Variants in KCTD8 observed in about 807,000 individuals in gnomAD.
KCTD8 encodes the protein BTB/POZ domain-containing protein KCTD8.
Under a neutral mutation model 31.5 loss-of-function variants are expected in KCTD8, and 27 were observed. The ratio of observed to expected loss-of-function variants is 0.86; its 90% confidence interval spans 0.63 to 1.18. KCTD8 has a LOEUF of 1.18. KCTD8 is among the 50% of genes most tolerant of loss of function. The probability of loss-of-function intolerance (pLI) is 0.00; values close to 1 mark genes in which losing one functional copy is unlikely to be tolerated. For synonymous variants in KCTD8, 290 were observed against 280.0 expected (o/e 1.04, Z -0.36); for missense variants, 658 against 647.7 (o/e 1.02, Z -0.17).
At chr4:44,291,789 A>G (rs1055085098) in intron 1 of KCTD8, among the ~76,000 whole-genome samples, 2 of 152,042 alleles carry the variant, frequency 1.3e-5, no homozygotes, top group Non-Finnish European at 1.5e-5. Flanking sequence ...CAAAAAAAGA[A>G]ATAATTTCAT....
At chr4:44,374,165 C>A (rs544607351) in intron 1 of KCTD8, among the ~76,000 whole-genome samples, 1 of 152,250 alleles carries the variant, frequency 6.6e-6, no homozygotes, top group South Asian at 2.1e-4. Flanking sequence ...TTACTATACC[C>A]TAACAGGTAG....
chr4:44,370,120 A>G (rs1433463466), intron 1 of KCTD8, among the ~76,000 whole-genome samples: 9 of 152,284 alleles, frequency 5.9e-5, no homozygotes, highest in African/African-American at 2.2e-4. Flanking sequence ...ACACAAGGAA[A>G]TATTCTTTTT....
chr4:44,256,195 A>C (rs373236179), intron 1 of KCTD8, among the ~76,000 whole-genome samples: 1 of 151,920 alleles, frequency 6.6e-6, no homozygotes, highest in African/African-American at 2.4e-5. Context: ...ACGACGTGAG[A>C]ATTATGAGAG....
intron 1 of KCTD8, among the ~76,000 whole-genome samples, chr4:44,204,824 T>C (rs1034336199): frequency 1.3e-5 from 2 of 151,978 alleles, no homozygotes; most frequent in African/African-American, 4.8e-5. Context: ...AGGGAACAAA[T>C]AAAATATTAT....
chr4:44,234,720 TA>T (rs1376230234), intron 1 of KCTD8, among the ~76,000 whole-genome samples: 3 of 152,186 alleles, frequency 2.0e-5, no homozygotes, highest in Non-Finnish European at 4.4e-5. Flanking sequence ...GAGGCCTCTA[TA>T]AGCCAGGCCC....
At chr4:44,436,705 T>C (rs1212868014) in intron 1 of KCTD8, among the ~76,000 whole-genome samples, 1 of 152,112 alleles carries the variant, frequency 6.6e-6, no homozygotes, top group Non-Finnish European at 1.5e-5. Flanking sequence ...GCTTTGGTTA[T>C]TGTTGAAATT....
intron 1 of KCTD8, among the ~76,000 whole-genome samples, chr4:44,323,353 G>A (rs555453607): frequency 6.6e-5 from 10 of 151,786 alleles, no homozygotes; most frequent in African/African-American, 2.2e-4. Flanking sequence ...AATTAGCCAT[G>A]TGTAGTGGCT....
intron 1 of KCTD8, among the ~76,000 whole-genome samples, chr4:44,245,516 C>G (rs1393730675): frequency 1.3e-5 from 2 of 151,768 alleles, no homozygotes; most frequent in African/African-American, 4.8e-5. Context: ...TTATAGTAAG[C>G]ATTAATGGTG....
intron 1 of KCTD8, among the ~76,000 whole-genome samples, chr4:44,304,977 G>A (rs1307542308): frequency 6.6e-6 from 1 of 151,628 alleles, no homozygotes; most frequent in African/African-American, 2.4e-5. Context: ...AAAAAGTCCA[G>A]AACCAAAATC....
chr4:44,367,615 A>G (rs1270304284), intron 1 of KCTD8, among the ~76,000 whole-genome samples: 1 of 152,184 alleles, frequency 6.6e-6, no homozygotes, highest in African/African-American at 2.4e-5. Context: ...ATTAGAATTA[A>G]TGCCATTATT....
chr4:44,378,998 A>G (rs1719992006), intron 1 of KCTD8, among the ~76,000 whole-genome samples: 1 of 152,104 alleles, frequency 6.6e-6, no homozygotes, highest in Admixed American at 6.6e-5. Flanking sequence ...TCATCTTCAA[A>G]GCCAGCTGCA....
At chr4:44,422,450 A>G (rs190215433) in intron 1 of KCTD8, among the ~76,000 whole-genome samples, 99 of 152,226 alleles carry the variant, frequency 6.5e-4, no homozygotes, top group African/African-American at 2.4e-3. Context: ...GATGTAGTTT[A>G]AGGAAGCCCT....
intron 1 of KCTD8, among the ~76,000 whole-genome samples, chr4:44,198,627 C>A (rs769773394): frequency 3.3e-5 from 5 of 152,132 alleles, no homozygotes; most frequent in African/African-American, 4.8e-5. Flanking sequence ...GTGTTACCAC[C>A]AGACCAGCCT....
intron 1 of KCTD8, among the ~76,000 whole-genome samples, chr4:44,352,136 A>G (rs1719220332): frequency 6.6e-6 from 1 of 152,092 alleles, no homozygotes; most frequent in Admixed American, 6.6e-5. Flanking sequence ...GGATTCATTA[A>G]AATGATTCCA....
intron 1 of KCTD8, among the ~76,000 whole-genome samples, chr4:44,283,029 T>A (rs555092176): frequency 3.5e-4 from 3 of 8,642 alleles, no homozygotes; most frequent in Non-Finnish European, 8.2e-4. Context: ...ACACATTTTA[T>A]TATTATTATT....
chr4:44,366,605 G>T (rs530021719), intron 1 of KCTD8, among the ~76,000 whole-genome samples: 26 of 152,200 alleles, frequency 1.7e-4, no homozygotes, highest in African/African-American at 6.3e-4. Flanking sequence ...CTTTATAGCA[G>T]CGTGAGAATG....
chr4:44,220,053 G>A (rs1358704372), intron 1 of KCTD8, among the ~76,000 whole-genome samples: 2 of 152,174 alleles, frequency 1.3e-5, no homozygotes, highest in African/African-American at 4.8e-5. Flanking sequence ...AGCAGGAAAG[G>A]TTAAATGAAC....
At chr4:44,341,925 GC>G (rs1367497216) in intron 1 of KCTD8, among the ~76,000 whole-genome samples, 6 of 152,274 alleles carry the variant, frequency 3.9e-5, no homozygotes, top group Admixed American at 3.3e-4. Flanking sequence ...AGCAGCTATA[GC>G]CTTAGGAAAT....
intron 1 of KCTD8, among the ~76,000 whole-genome samples, chr4:44,442,763 TA>T (rs1721844601): frequency 2.2e-5 from 1 of 45,142 alleles, no homozygotes; most frequent in African/African-American, 7.0e-5. Context: ...GGCTTTTTCT[TA>T]ACTAAGGTAT....
Sources: allele counts gnomAD v4.1 joint callset (sites outside exome capture counted in the v4.1 genomes callset), GRCh38; gene constraint gnomAD v4.1.1; transcripts MANE v1.5; gene names NCBI Gene and HGNC (gene_info 2026-07-23, HGNC 2026-07-21).